ZNF518A: variants seen among roughly 807,000 people sequenced by gnomAD.
ZNF518A encodes the protein zinc finger protein 518.
ZNF518A carries 47 observed loss-of-function variants against 102.7 expected under a neutral mutation model. The ratio of observed to expected loss-of-function variants is 0.46; its 90% CI spans 0.36 to 0.58. The LOEUF (loss-of-function observed/expected upper bound fraction) is 0.58. Ranked by LOEUF, ZNF518A falls within the 20% of genes least tolerant of loss-of-function variation. The pLI, the probability that ZNF518A is intolerant of heterozygous loss-of-function variation, is 0.00. For missense variants in ZNF518A, 1,793 were observed against 1,699.8 expected (o/e 1.05, Z -0.96); for synonymous variants, 652 against 594.6 (o/e 1.10, Z -1.40).
At chr10:96,204,807 T>A (rs2083752429), downstream of ZNF518A, 1 of 592,512 alleles carries the variant, frequency 1.7e-6, no homozygotes. Context: ...GGACCAGGAC[T>A]CCCTCCCAGC....
intron 1 of ZNF518A, among the ~76,000 whole-genome samples, chr10:96,179,374 T>C (rs1244808735): frequency 6.6e-6 from 1 of 152,256 alleles, no homozygotes; most frequent in South Asian, 2.1e-4. Flanking sequence ...CATGAAAAGA[T>C]ACTCAGTATC....
intron 1 of ZNF518A, among the ~76,000 whole-genome samples, chr10:96,173,457 G>T (rs1217771169): frequency 2.0e-5 from 3 of 152,098 alleles, no homozygotes; most frequent in African/African-American, 7.2e-5. Context: ...ATTTTGGGCT[G>T]CCATAACAAA....
At chr10:96,172,033 A>G (rs1477394172) in intron 1 of ZNF518A, among the ~76,000 whole-genome samples, 3 of 152,164 alleles carry the variant, frequency 2.0e-5, no homozygotes, top group Non-Finnish European at 4.4e-5. Context: ...CTGTCTTTCA[A>G]AATTGAAGGC....
At chr10:96,195,051 G>A (rs1016497177) in intron 1 of ZNF518A, among the ~76,000 whole-genome samples, 3 of 152,080 alleles carry the variant, frequency 2.0e-5, no homozygotes, top group Admixed American at 1.3e-4. Flanking sequence ...TTACAGGCGT[G>A]AGCCACCGCG....
At chr10:96,203,804 A>G (rs1444246761) in intron 2 of ZNF518A, 2 of 328,104 alleles carry the variant, frequency 6.1e-6, no homozygotes, top group Non-Finnish European at 1.1e-5. Flanking sequence ...AAGTTAAAAA[A>G]GGATGCATGA....
intron 1 of ZNF518A, among the ~76,000 whole-genome samples, chr10:96,197,911 A>G (rs1177291050): frequency 7.9e-6 from 1 of 126,030 alleles, no homozygotes; most frequent in East Asian, 1.9e-4. Context: ...GCGAGACAAC[A>G]TCAAAAAAAA....
chr10:96,191,518 A>C (rs587700029), intron 1 of ZNF518A, among the ~76,000 whole-genome samples: 54 of 152,164 alleles, frequency 3.5e-4, no homozygotes, highest in African/African-American at 8.9e-4. Context: ...GATATCATAC[A>C]TTACCTTTAA....
At chr10:96,139,163 T>C (rs1449997377) in intron 3 of ZNF518A, among the ~76,000 whole-genome samples, 1 of 152,018 alleles carries the variant, frequency 6.6e-6, no homozygotes. Context: ...TTGGAGTATA[T>C]GTACAATGGG....
chr10:96,169,307 A>G (rs1371180648), intron 1 of ZNF518A, among the ~76,000 whole-genome samples: 1 of 152,146 alleles, frequency 6.6e-6, no homozygotes, highest in Non-Finnish European at 1.5e-5. Flanking sequence ...GTTTGGCCAT[A>G]TGCTGATATT....
At chr10:96,204,380 G>T, downstream of ZNF518A, 1 of 922,332 alleles carries the variant, frequency 1.1e-6, no homozygotes, top group Non-Finnish European at 1.7e-6. Flanking sequence ...TTTTAAAGTT[G>T]CTCAACACCT....
intron 1 of ZNF518A, among the ~76,000 whole-genome samples, chr10:96,183,958 G>A (rs587773837): frequency 6.6e-6 from 1 of 152,246 alleles, no homozygotes; most frequent in African/African-American, 2.4e-5. Flanking sequence ...AAATCTCTTT[G>A]TAGGTCTTTA....
intron 3 of ZNF518A, among the ~76,000 whole-genome samples, chr10:96,140,056 C>T (rs1554875901): frequency 6.6e-6 from 1 of 151,938 alleles, no homozygotes; most frequent in African/African-American, 2.4e-5. Flanking sequence ...CGGGGTTTCT[C>T]TATGTTGGTC....
chr10:96,143,381 C>T (rs1424020023), intron 3 of ZNF518A, among the ~76,000 whole-genome samples: 2 of 152,172 alleles, frequency 1.3e-5, no homozygotes, highest in Non-Finnish European at 2.9e-5. Flanking sequence ...CATGCATTCT[C>T]TTTTTCATCT....
chr10:96,143,898 A>G (rs2082053376), intron 3 of ZNF518A, among the ~76,000 whole-genome samples: 1 of 152,254 alleles, frequency 6.6e-6, no homozygotes, highest in Admixed American at 6.5e-5. Flanking sequence ...TTATACGCAC[A>G]TATGCTTATA....
chr10:96,173,819 T>C (rs587694430), intron 1 of ZNF518A, among the ~76,000 whole-genome samples: 3 of 152,312 alleles, frequency 2.0e-5, no homozygotes, highest in Admixed American at 2.0e-4. Flanking sequence ...AGAATAGATA[T>C]GCTTTTCCAA....
chr10:96,199,544 T>C (rs782606503), intron 1 of ZNF518A: 5 of 459,142 alleles, frequency 1.1e-5, no homozygotes, highest in East Asian at 6.8e-5. Flanking sequence ...CTTGAGGAGA[T>C]GAAAGGACAA....
chr10:96,198,186 T>A (rs1234476835), intron 1 of ZNF518A, among the ~76,000 whole-genome samples: 1 of 151,784 alleles, frequency 6.6e-6, no homozygotes, highest in Admixed American at 6.6e-5. Flanking sequence ...GAAATGACAC[T>A]TGAAGGAAGG....
At chr10:96,146,389 A>G (rs587713550) in intron 3 of ZNF518A, among the ~76,000 whole-genome samples, 9 of 152,318 alleles carry the variant, frequency 5.9e-5, no homozygotes, top group Non-Finnish European at 1.3e-4. Flanking sequence ...AGGTCATGCC[A>G]GCTTTTATCT....
At chr10:96,151,073 A>G (rs61858657) in intron 3 of ZNF518A, among the ~76,000 whole-genome samples, 7,758 of 152,006 alleles carry the variant, frequency 0.051, 277 homozygotes, top group Middle Eastern at 0.085. Context: ...AACTTTCATT[A>G]TGGTCACTGC....
Sources: gnomAD v4.1 joint callset for allele counts (sites outside exome capture counted in the v4.1 genomes callset) on GRCh38, gnomAD v4.1.1 for gene constraint, MANE v1.5 for transcripts, NCBI Gene and HGNC (gene_info 2026-07-23, HGNC 2026-07-21) for gene names.